SEMA5B: variants seen among roughly 807,000 people sequenced by gnomAD.
The protein encoded by SEMA5B is semaphorin 5B, also known as semaphorin-5B.
In SEMA5B, 66 loss-of-function variants were observed where a neutral mutation model predicts 135.0. The observed-to-expected ratio is 0.49, with a 90% CI of 0.40 to 0.60. SEMA5B has a LOEUF of 0.60. Ranked by LOEUF, SEMA5B falls within the 20% of genes least tolerant of loss-of-function variation. The probability of loss-of-function intolerance (pLI) is 0.00; values close to 1 mark genes in which losing one functional copy is unlikely to be tolerated. For missense variants in SEMA5B, 1,501 were observed against 1,566.3 expected (o/e 0.96, Z 0.70); for synonymous variants, 690 against 639.5 (o/e 1.08, Z -1.19).
chr3:122,913,227 C>T lies in SEMA5B; in HGVS notation c.2478G>A (p.Ala826=). 1.3e-6 allele frequency: 2 copies of T among 1,579,792 alleles called. No homozygotes were observed. Among genetic ancestry groups the T allele is most frequent in the African/African-American group, 2.7e-5 (2 of 73,644 alleles). ...RRRTETRTCP[A]DGSGSCDTDA... is the part of the protein sequence containing the mutation. The stretch of plus-strand genomic sequence containing the variant: ...CGGTGTCGCAGGAGCCGGAGCCGTC[C>T]GCGGGACAGGTCCTCGTCTCGGTCC... The change falls in exon 17 of 23, where the codon GCG becomes GCA. Residue 826 remains alanine (A), a synonymous_variant. Coordinates refer to ENST00000357599, the MANE Select transcript of SEMA5B (RefSeq NM_001031702.4).
intron 1 of SEMA5B, among the ~76,000 whole-genome samples, chr3:122,967,328 G>A (rs924641838): frequency 3.3e-5 from 5 of 152,180 alleles, no homozygotes; most frequent in African/African-American, 1.2e-4. Flanking sequence ...ACCCCCACAC[G>A]ACTTCTAAAC....
intron 1 of SEMA5B, among the ~76,000 whole-genome samples, chr3:123,022,950 G>C (rs1201319697): frequency 6.6e-6 from 1 of 152,216 alleles, no homozygotes; most frequent in African/African-American, 2.4e-5. Flanking sequence ...GAGAGTATTG[G>C]AGGAGATCCA....
intron 1 of SEMA5B, among the ~76,000 whole-genome samples, chr3:123,021,616 G>A (rs1403475096): frequency 1.3e-5 from 2 of 152,152 alleles, no homozygotes; most frequent in Admixed American, 6.5e-5. Context: ...TATGGCTCAG[G>A]TAGACCAGTG....
intron 5 of SEMA5B, among the ~76,000 whole-genome samples, chr3:122,936,345 C>A (rs1040639220): frequency 6.6e-6 from 1 of 152,200 alleles, no homozygotes; most frequent in African/African-American, 2.4e-5. Context: ...ATCTTTGGAG[C>A]ATTAAGTCCA....
chr3:123,002,076 T>C (rs377594912), intron 1 of SEMA5B, among the ~76,000 whole-genome samples: 1 of 152,154 alleles, frequency 6.6e-6, no homozygotes, highest in African/African-American at 2.4e-5. Flanking sequence ...CATCCTAGCA[T>C]GTCAAGAGGC....
At chr3:123,002,631 T>C (rs1017021903) in intron 1 of SEMA5B, among the ~76,000 whole-genome samples, 7 of 152,194 alleles carry the variant, frequency 4.6e-5, no homozygotes, top group African/African-American at 1.7e-4. Context: ...GCAGGGGCAG[T>C]CCCCAGCCAA....
At chr3:122,956,613 TC>T in intron 2 of SEMA5B, among the ~76,000 whole-genome samples, 1 of 151,794 alleles carries the variant, frequency 6.6e-6, no homozygotes, top group Admixed American at 6.5e-5. Context: ...AGAGCTGAAT[TC>T]CCCCACAGAG....
intron 1 of SEMA5B, among the ~76,000 whole-genome samples, chr3:122,967,599 G>T (rs1480049481): frequency 2.6e-5 from 4 of 152,188 alleles, no homozygotes; most frequent in Non-Finnish European, 4.4e-5. Context: ...TAGGAGCCCA[G>T]CCCCCACATC....
chr3:123,008,905 C>T (rs1404264531), intron 1 of SEMA5B, among the ~76,000 whole-genome samples: 1 of 152,120 alleles, frequency 6.6e-6, no homozygotes, highest in Non-Finnish European at 1.5e-5. Context: ...GCTGCAGCTG[C>T]CCAGGGCTGG....
chr3:123,016,534 T>G (rs1161980441), intron 1 of SEMA5B, among the ~76,000 whole-genome samples: 1 of 152,208 alleles, frequency 6.6e-6, no homozygotes, highest in Non-Finnish European at 1.5e-5. Flanking sequence ...AAGAAAAAAG[T>G]CTCTGTACAT....
rs1411003144 is a variant in SEMA5B at position 122,913,663 on chromosome 3, C to T, written c.2151G>A (p.Thr717=). ...SREERFCNEN[T]PCPVPIFWAS... ...CCCAGAAGATGGGCACCGGGCAAGG[C>T]GTGTTCTCATTACAGAACCTGGGGT... The change falls in exon 16 of 23, where the codon ACG becomes ACA. Residue 717 remains threonine, a synonymous_variant. Coordinates refer to ENST00000357599, the MANE Select transcript of SEMA5B (RefSeq NM_001031702.4). The T allele has an allele frequency of 6.2e-7, 1 of 1,613,684 alleles. No individual in the cohort carries two copies. The highest frequency in any genetic ancestry group is 8.5e-7 in the Non-Finnish European group (1 of 1,179,966).
At chr3:122,978,941 T>G (rs1941430328) in intron 1 of SEMA5B, among the ~76,000 whole-genome samples, 1 of 152,158 alleles carries the variant, frequency 6.6e-6, no homozygotes, top group Non-Finnish European at 1.5e-5. Context: ...CTGGCTCCCT[T>G]CATGCTCGTC....
intron 1 of SEMA5B, among the ~76,000 whole-genome samples, chr3:123,021,510 T>C (rs1440138877): frequency 6.6e-6 from 1 of 152,224 alleles, no homozygotes. Flanking sequence ...CACTTGTCCC[T>C]GAATAATTAA....
intron 1 of SEMA5B, among the ~76,000 whole-genome samples, chr3:122,998,608 C>T (rs1028123629): frequency 3.9e-5 from 6 of 152,188 alleles, no homozygotes; most frequent in Non-Finnish European, 7.3e-5. Context: ...TCCAGGCCTA[C>T]CCTGCTAGTC....
chr3:123,006,185 A>G (rs751174318), intron 1 of SEMA5B, among the ~76,000 whole-genome samples: 9 of 152,306 alleles, frequency 5.9e-5, no homozygotes, highest in South Asian at 4.1e-4. Flanking sequence ...TGCGTCTCCA[A>G]TGTCTGGTGT....
chr3:122,912,941 C>A lies in SEMA5B; in HGVS notation c.2627G>T (p.Arg876Leu). The A allele has an allele frequency of 6.2e-7, 1 of 1,612,692 alleles. No homozygotes were observed. The change falls in exon 18 of 23, where the codon CGC becomes CTC. Residue 876 changes from arginine to leucine, a missense_variant. By Grantham distance (102) the Arg-to-Leu change is moderately radical. This residue lies in a region of SEMA5B where 927 missense variants were observed against 881.6 expected (regional missense o/e 1.05). Transcript: ENST00000357599. ...SRDCELGFRV[R>L]KRTCTNPEPR... ...CTCCGGGTTAGTGCACGTTCTCTTG[C>A]GGACGCGGAAGCCCAGCTCGCAGTC...
At chr3:122,962,758 G>A (rs1345026270) in intron 1 of SEMA5B, among the ~76,000 whole-genome samples, 1 of 152,146 alleles carries the variant, frequency 6.6e-6, no homozygotes, top group Non-Finnish European at 1.5e-5. Context: ...CTGTGCTGGT[G>A]GTGTCAGAGG....
chr3:122,977,006 G>T (rs900400355), intron 1 of SEMA5B, among the ~76,000 whole-genome samples: 5 of 152,092 alleles, frequency 3.3e-5, no homozygotes, highest in African/African-American at 9.7e-5. Context: ...GCCAAGATCG[G>T]GCCACTGTAC....
intron 1 of SEMA5B, among the ~76,000 whole-genome samples, chr3:123,019,815 G>T (rs1406568961): frequency 6.6e-6 from 1 of 152,196 alleles, no homozygotes; most frequent in Non-Finnish European, 1.5e-5. Flanking sequence ...GATGCTGGAG[G>T]TGGGGGCAAG....
Sources: gnomAD v4.1 joint callset for allele counts (sites outside exome capture counted in the v4.1 genomes callset) on GRCh38, gnomAD v4.1.1 for gene constraint, gnomAD v4.1.1 regional missense constraint, MANE v1.5 for transcripts, NCBI Gene and HGNC (gene_info 2026-07-23, HGNC 2026-07-21) for gene names.